Variants in LRP12 observed in about 807,000 individuals in gnomAD.
LRP12 encodes low-density lipoprotein receptor-related protein 12.
A neutral mutation model predicts 66.0 loss-of-function variants in LRP12; 14 were observed. The ratio of observed to expected loss-of-function variants is 0.21; its 90% CI spans 0.14 to 0.33. The LOEUF (loss-of-function observed/expected upper bound fraction) is 0.33. Ranked by LOEUF, LRP12 falls within the 10% of genes least tolerant of loss-of-function variation. The probability of loss-of-function intolerance (pLI) is 1.00; values close to 1 mark genes in which losing one functional copy is unlikely to be tolerated. For synonymous variants in LRP12, 357 were observed against 359.1 expected (o/e 0.99, Z 0.07); for missense variants, 889 against 1,053.4 (o/e 0.84, Z 2.16).
At chr8:104,535,318 T>C (rs566157976) in intron 1 of LRP12, among the ~76,000 whole-genome samples, 2 of 152,092 alleles carry the variant, frequency 1.3e-5, no homozygotes, top group African/African-American at 4.8e-5. Context: ...AACAGTGATA[T>C]GAAGTTTAAG....
rs201126241 is a variant in LRP12, at chr8:104,497,143, C to T, written c.1409G>A (p.Cys470Tyr). Reference protein sequence around the residue: ...NNRCVFESWVCDSQDDCGDGS... With the variant: ...NNRCVFESWVYDSQDDCGDGS... ...ATCACCACAGTCATCTTGAGAATCA[C>T]ACACCCAACTTTCAAACACACAACG... Residue 470 changes from cysteine (C) to tyrosine (Y), a missense_variant, in exon 5 of 7, where the codon TGT (cysteine) becomes TAT (tyrosine). Physicochemically the swap from Cys to Tyr is radical, Grantham distance 194. This residue lies in a region of LRP12 where 800 missense variants were observed against 964.5 expected (regional missense o/e 0.83). Coordinates refer to ENST00000276654, the MANE Select transcript of LRP12 (RefSeq NM_013437.5). This position sits in a 1 kb window ranked among gnomAD's most constrained non-coding sequence, Gnocchi z 4.3. The T allele has an allele frequency of 1.9e-6, 3 of 1,611,798 alleles. No homozygotes were observed. Among genetic ancestry groups the T allele is most frequent in the East Asian group, 2.2e-5 (1 of 44,856 alleles).
intron 1 of LRP12, among the ~76,000 whole-genome samples, chr8:104,586,197 A>T (rs1047282941): frequency 2.6e-5 from 4 of 152,226 alleles, no homozygotes; most frequent in Non-Finnish European, 5.9e-5. Flanking sequence ...TTAGAGTTTC[A>T]GGTAAGACTC....
intron 2 of LRP12, among the ~76,000 whole-genome samples, chr8:104,511,331 C>T (rs916992529): frequency 5.3e-5 from 8 of 151,556 alleles, no homozygotes; most frequent in Non-Finnish European, 8.8e-5. Context: ...CGTGAGCCAC[C>T]GCGCCCAGCA....
At chr8:104,502,964 C>G (rs1810851057) in intron 3 of LRP12, among the ~76,000 whole-genome samples, 1 of 152,160 alleles carries the variant, frequency 6.6e-6, no homozygotes, top group South Asian at 2.1e-4. Context: ...GTGGGTGGAT[C>G]ACCTGAGGTC....
At chr8:104,540,718 T>C (rs1316856946) in intron 1 of LRP12, among the ~76,000 whole-genome samples, 1 of 152,178 alleles carries the variant, frequency 6.6e-6, no homozygotes, top group Non-Finnish European at 1.5e-5. Context: ...AGATACATTA[T>C]AATTTTTAAA....
intron 1 of LRP12, among the ~76,000 whole-genome samples, chr8:104,548,611 T>TAAATTAATTATATAATTATTATATAATG (rs1811674416): frequency 8.9e-6 from 1 of 112,084 alleles, no homozygotes; most frequent in African/African-American, 4.1e-5. Context: ...ATTATATAAT[T>TAAATTAATTATATAATTATTATATAATG]AAATTAATTA....
intron 1 of LRP12, among the ~76,000 whole-genome samples, chr8:104,537,435 C>CAA (rs1249962858): frequency 6.6e-6 from 1 of 152,070 alleles, no homozygotes; most frequent in Non-Finnish European, 1.5e-5. Context: ...CCACTGAAAG[C>CAA]TTAAATAAAC....
chr8:104,509,158 A>C (rs1285248857), intron 2 of LRP12, 84 bp from the exon 3 acceptor site: 18 of 1,285,624 alleles, frequency 1.4e-5, no homozygotes, highest in Non-Finnish European at 1.8e-5. Context: ...TTTAAAAACC[A>C]AAAAACTTTA....
rs544889799 is a variant in LRP12, at chr8:104,588,092, G to A, written c.79+727C>T. Among the ~76,000 whole-genome samples, 12 of 152,328 alleles carry A rather than the reference G, an allele frequency of 7.9e-5. No individual in the cohort carries two copies. The South Asian group carries it at 2.5e-3, about 32-fold the overall frequency. ...TTATCTCTAACCCGATCCATCGACT[G>A]GAATAAAGTAACAGTGACCACAGCG... On this transcript the variant is annotated intron_variant, in intron 1 of 6. Coordinates refer to ENST00000276654, the MANE Select transcript of LRP12 (RefSeq NM_013437.5).
intron 3 of LRP12, 132 bp downstream of exon 3, chr8:104,508,807 G>T: frequency 1.3e-6 from 1 of 740,962 alleles, no homozygotes; most frequent in Non-Finnish European, 2.1e-6. Context: ...GACACCAATA[G>T]CTAATAGCTG....
At chr8:104,541,812 C>G (rs1172702083) in intron 1 of LRP12, among the ~76,000 whole-genome samples, 1 of 152,132 alleles carries the variant, frequency 6.6e-6, no homozygotes, top group African/African-American at 2.4e-5. Flanking sequence ...TTTCATGATT[C>G]ATCCTTGTAC....
intron 1 of LRP12, among the ~76,000 whole-genome samples, chr8:104,544,013 G>C (rs972689590): frequency 6.6e-6 from 1 of 152,196 alleles, no homozygotes; most frequent in African/African-American, 2.4e-5. Flanking sequence ...TAAAGAGTTA[G>C]TCAAGTTGTG....
intron 1 of LRP12, among the ~76,000 whole-genome samples, chr8:104,548,346 A>T (rs1024174036): frequency 0.42 from 22,027 of 52,424 alleles, 3,987 homozygotes; most frequent in Non-Finnish European, 0.48. Context: ...TAAATATATA[A>T]ATATATAATA....
chr8:104,525,765 C>A (rs887727629), intron 2 of LRP12, among the ~76,000 whole-genome samples: 1 of 152,136 alleles, frequency 6.6e-6, no homozygotes, highest in East Asian at 1.9e-4. Flanking sequence ...CCTTTGAAAA[C>A]TGGCACAAGA....
chr8:104,496,868 TA>T, intron 5 of LRP12, 103 bp downstream of exon 5: 1 of 1,135,022 alleles, frequency 8.8e-7, no homozygotes, highest in Non-Finnish European at 1.2e-6. Context: ...ATCCATTTTC[TA>T]AACTAATATA....
chr8:104,588,749 C>G, intron 1 of LRP12, 70 bp downstream of exon 1: 1 of 1,411,652 alleles, frequency 7.1e-7, no homozygotes, highest in Non-Finnish European at 9.8e-7. Context: ...AACCCCCGTC[C>G]TGGAGGCCTC....
intron 2 of LRP12, among the ~76,000 whole-genome samples, chr8:104,510,319 T>C (rs1174927311): frequency 2.0e-5 from 3 of 151,952 alleles, no homozygotes; most frequent in East Asian, 1.9e-4. Flanking sequence ...TCCAAGCTAT[T>C]TATTACAGGG....
At chr8:104,563,674 T>C (rs1388539348) in intron 1 of LRP12, among the ~76,000 whole-genome samples, 1 of 152,100 alleles carries the variant, frequency 6.6e-6, no homozygotes, top group Non-Finnish European at 1.5e-5. Flanking sequence ...AGAATGGGAT[T>C]AGTGTCCTTA....
intron 1 of LRP12, among the ~76,000 whole-genome samples, chr8:104,543,433 T>C (rs953750145): frequency 6.6e-6 from 1 of 152,164 alleles, no homozygotes; most frequent in Non-Finnish European, 1.5e-5. Context: ...ACTGTGCCTA[T>C]AAAAGAGGGT....
Sources: allele counts gnomAD v4.1 joint callset (sites outside exome capture counted in the v4.1 genomes callset), GRCh38; gene constraint gnomAD v4.1.1; regional missense constraint gnomAD v4.1.1; non-coding constraint Gnocchi (gnomAD v3.1); transcripts MANE v1.5; gene names NCBI Gene and HGNC (gene_info 2026-07-23, HGNC 2026-07-21).